The following ADPRHL1 variants were observed in gnomAD, a reference collection of about 807,000 sequenced individuals.
The protein encoded by ADPRHL1 is inactive ADP-ribosyltransferase ARH2.
In ADPRHL1, 43 loss-of-function variants were observed where a neutral mutation model predicts 44.1. That is an observed-to-expected ratio of 0.98 (90% CI 0.76 to 1.26). The LOEUF is 1.26. ADPRHL1 is among the 50% of genes most tolerant of loss of function. The pLI, the probability that ADPRHL1 is intolerant of heterozygous loss-of-function variation, is 0.00. For synonymous variants in ADPRHL1, 878 were observed against 1,017.4 expected, an observed-to-expected ratio of 0.86 and a Z score of 2.61; for missense variants, 2,022 against 2,496.9, an observed-to-expected ratio of 0.81 and a Z score of 4.05.
At chr13:113,434,136 T>C (rs980466816) in intron 2 of ADPRHL1, among the ~76,000 whole-genome samples, 1 of 152,196 alleles carries the variant, frequency 6.6e-6, no homozygotes, top group African/African-American at 2.4e-5. Flanking sequence ...ATTTGCAGCA[T>C]GCTTTCAACG....
chr13:113,426,670 C>A (rs960610127), intron 4 of ADPRHL1, among the ~76,000 whole-genome samples: 2 of 152,204 alleles, frequency 1.3e-5, no homozygotes, highest in Admixed American at 6.5e-5. Flanking sequence ...TGTTCAGCGA[C>A]ATGAAATTGG....
At chr13:113,420,427 C>T (rs1347585200) in intron 7 of ADPRHL1, among the ~76,000 whole-genome samples, 2 of 152,164 alleles carry the variant, frequency 1.3e-5, no homozygotes, top group Non-Finnish European at 2.9e-5. Flanking sequence ...GCGAGCTGGC[C>T]TTCTCTTCCA....
At chr13:113,414,746 G>A (rs1287024783) in intron 7 of ADPRHL1, among the ~76,000 whole-genome samples, 1 of 151,576 alleles carries the variant, frequency 6.6e-6, no homozygotes, top group Non-Finnish European at 1.5e-5. Flanking sequence ...CGTGATCTCG[G>A]CTCACTGCAA....
chr13:113,420,955 C>CCCCG (rs1555326268), intron 7 of ADPRHL1, among the ~76,000 whole-genome samples: 1 of 82,334 alleles, frequency 1.2e-5, no homozygotes, highest in Non-Finnish European at 2.3e-5. Flanking sequence ...CTACCCCCCC[C>CCCCG]GACACGCCCT....
intron 7 of ADPRHL1, 104 bp from the exon 8 acceptor site, chr13:113,408,324 A>C (rs1271767844): frequency 2.6e-6 from 3 of 1,146,796 alleles, no homozygotes; most frequent in Non-Finnish European, 3.3e-6. Flanking sequence ...AGGGGCCCCA[A>C]AAGTCTGGTA....
rs1566474764 is a variant in ADPRHL1, at chr13:113,428,978, CAGTA to C, written c.616_619del (p.Tyr206AlafsTer72). ...TGCCGTGTGCCGGATGGTCTTCCTG[CAGTA>C]CTCTTCTGCCAGAGGCACCGCCCGC... is the stretch of plus-strand genomic sequence containing the variant. On this transcript the variant is annotated frameshift_variant, in exon 4 of 8. Transcript: ENST00000612156. LOFTEE classifies it high-confidence loss of function. 6.2e-7 allele frequency: 1 copy of C among 1,612,774 alleles called. No homozygotes were observed. The highest frequency in any genetic ancestry group is 8.5e-7 in the Non-Finnish European group (1 of 1,180,008).
intron 1 of ADPRHL1, among the ~76,000 whole-genome samples, chr13:113,444,973 C>T (rs751172072): frequency 6.6e-5 from 10 of 152,140 alleles, no homozygotes; most frequent in Non-Finnish European, 1.3e-4. Context: ...CAAACAGAAC[C>T]GAAACTGGCC....
At chr13:113,429,230 C>A in intron 3 of ADPRHL1, 138 bp from the exon 4 acceptor site, 3 of 1,181,818 alleles carry the variant, frequency 2.5e-6, no homozygotes, top group Non-Finnish European at 3.5e-6. Flanking sequence ...GTGCACAGTT[C>A]GGCGGCATTA....
rs886115447 is a variant in ADPRHL1 at position 113,401,527 on chromosome 13, G to A, written c.*1851C>T. 2 of 152,276 alleles carry A rather than the reference G, an allele frequency of 1.3e-5. No individual in the cohort carries two copies. Among genetic ancestry groups the A allele is most frequent in the African/African-American group, 4.8e-5 (2 of 41,424 alleles). The allele number at this position is 152,276 out of a possible 1,614,324, so 9.4% of individuals were successfully genotyped here. A position where few individuals can be genotyped will look rare whatever the true frequency, so the allele number is the denominator to read the frequency against. On this transcript the variant is annotated 3_prime_UTR_variant, in exon 8 of 8. Coordinates refer to ENST00000612156, the MANE Select transcript of ADPRHL1 (RefSeq NM_001394807.1). The surrounding 1 kb of genome is among the most constrained non-coding windows in gnomAD (Gnocchi z 5.5). Reference sequence around the variant, plus strand: ...ACGCGCGAGGGGCACCCGGTGCTCAGGAGCCTCCACACACAGCAGCTCGCA... The same window carrying A: ...ACGCGCGAGGGGCACCCGGTGCTCAAGAGCCTCCACACACAGCAGCTCGCA...
At chr13:113,420,524 C>T (rs184573150) in intron 7 of ADPRHL1, among the ~76,000 whole-genome samples, 18 of 152,184 alleles carry the variant, frequency 1.2e-4, no homozygotes, top group African/African-American at 3.6e-4. Flanking sequence ...GCAACAGTTC[C>T]GACTTACCTT....
rs1167761027 is a variant in ADPRHL1, at chr13:113,405,166, C to CA, written c.4115dup (p.Thr1373AspfsTer68). 85 of 1,231,856 alleles carry CA rather than the reference C, an allele frequency of 6.9e-5. No individual in the cohort carries two copies. The highest frequency in any genetic ancestry group is 8.1e-5 in the Non-Finnish European group (80 of 988,138). The allele number at this position is 1,231,856 out of a possible 1,614,324, so 76.3% of individuals were successfully genotyped here. ...GTTGCCTCCCCAGGTCCGCCTGTGT[C>CA]AGGGGACGCTCCTGGGATTCACCTG... On this transcript the variant is annotated frameshift_variant, in exon 8 of 8. Coordinates refer to ENST00000612156, the MANE Select transcript of ADPRHL1 (RefSeq NM_001394807.1). LOFTEE classifies it low-confidence loss of function (END_TRUNC).
Position 113,405,801 on chromosome 13 carries a change from T to C in ADPRHL1, c.3481A>G (p.Arg1161Gly). Reference sequence around the variant, plus strand: ...GGGTCTCGAGGGAGAGCCTCTCCTCTGGGGTGGCTTTCGGACAAGGCTCTG... The same window carrying C: ...GGGTCTCGAGGGAGAGCCTCTCCTCCGGGGTGGCTTTCGGACAAGGCTCTG... ...GSRALSESHP[R>G]GEALPRDPHS... The change falls in exon 8 of 8, where the codon AGA (arginine) becomes GGA (glycine). Residue 1161 changes from arginine (R) to glycine (G), a missense_variant. Coordinates refer to ENST00000612156, the MANE Select transcript of ADPRHL1 (RefSeq NM_001394807.1). 1 of 1,231,824 alleles carries C rather than the reference T, an allele frequency of 8.1e-7. No individual in the cohort carries two copies. The highest frequency in any genetic ancestry group is 1.0e-6 in the Non-Finnish European group (1 of 988,028). The allele number at this position is 1,231,824 out of a possible 1,614,324, so 76.3% of individuals were successfully genotyped here. A position where few individuals can be genotyped will look rare whatever the true frequency, so the allele number is the denominator to read the frequency against.
chr13:113,413,887 T>C (rs537536960), intron 7 of ADPRHL1, among the ~76,000 whole-genome samples: 5 of 152,306 alleles, frequency 3.3e-5, no homozygotes, highest in Non-Finnish European at 5.9e-5. Context: ...ATTTAGTTGT[T>C]GGTGGCTCTG....
At position 113,432,163 on chromosome 13, in the gene ADPRHL1, G is replaced by A. The variant is rs561643302; in HGVS notation, c.505+1579C>T. Reference sequence around the variant, plus strand: ...TTTTGAGATAGGGCCTCGCCCTGTCGCCCAGGCTGCAGTGCAATGGCGCAA... The same window carrying A: ...TTTTGAGATAGGGCCTCGCCCTGTCACCCAGGCTGCAGTGCAATGGCGCAA... On this transcript the variant is annotated intron_variant, in intron 3 of 7. Transcript: ENST00000612156. Among the ~76,000 whole-genome samples the A allele has an allele frequency of 5.3e-5, 8 of 151,786 alleles. No individual in the cohort carries two copies. In the East Asian group the frequency reaches 5.8e-4, roughly 11 times the overall value.
Position 113,405,698 on chromosome 13 carries a change from C to G in ADPRHL1, c.3584G>C (p.Gly1195Ala), listed in dbSNP as rs532183571. Reference sequence around the variant, plus strand: ...CTCTGGGTGCTGGACGAGGGCCACGCCTCTCAGGAGGCTCCTCCCTGCTGC... The same window carrying G: ...CTCTGGGTGCTGGACGAGGGCCACGGCTCTCAGGAGGCTCCTCCCTGCTGC... ...SGAAGRSLLR[G>A]VALVQHPEDI... is the part of the protein sequence containing the mutation. The change falls in exon 8 of 8, where the codon GGC (glycine) becomes GCC (alanine). Residue 1195 changes from glycine to alanine, a missense_variant. Coordinates refer to ENST00000612156, the MANE Select transcript of ADPRHL1 (RefSeq NM_001394807.1). 2 of 1,231,940 alleles carry G rather than the reference C, an allele frequency of 1.6e-6. No individual in the cohort carries two copies. Among genetic ancestry groups the G allele is most frequent in the South Asian group, 4.1e-5 (1 of 24,334 alleles). The allele number at this position is 1,231,940 out of a possible 1,614,324, so 76.3% of individuals were successfully genotyped here.
intron 2 of ADPRHL1, among the ~76,000 whole-genome samples, chr13:113,438,902 G>A (rs1339245575): frequency 6.6e-6 from 1 of 152,128 alleles, no homozygotes; most frequent in Non-Finnish European, 1.5e-5. Flanking sequence ...TTGGACTCAA[G>A]TCCTTATCAG....
At chr13:113,449,935 C>T (rs1010834576) in intron 1 of ADPRHL1, among the ~76,000 whole-genome samples, 3 of 152,162 alleles carry the variant, frequency 2.0e-5, no homozygotes, top group Admixed American at 6.5e-5. Flanking sequence ...ACTGGGCAAG[C>T]GCCTGAACCT....
In ADPRHL1 at chr13:113,403,411, G is replaced by A; in HGVS notation, c.5871C>T (p.Val1957=). ...GGAGCTCAGACGTGTCGCTGGCCCT[G>A]ACGCTCATTGGTCTGAAGGACAAAT... ...AFDLSFRPMS[V]RASDTSELPK is the part of the protein sequence containing the mutation. Residue 1957 remains valine, a synonymous_variant, in exon 8 of 8, where the codon GTC becomes GTT. Transcript: ENST00000612156. The A allele has an allele frequency of 3.2e-6, 4 of 1,232,110 alleles. No homozygotes were observed. The highest frequency in any genetic ancestry group is 4.0e-6 in the Non-Finnish European group (4 of 987,978). The allele number at this position is 1,232,110 out of a possible 1,614,324, so 76.3% of individuals were successfully genotyped here.
At chr13:113,421,911 G>A (rs2043926648) in intron 7 of ADPRHL1, 1 of 152,260 alleles carries the variant, frequency 6.6e-6, no homozygotes, top group Admixed American at 6.5e-5. Flanking sequence ...CAAAAAGAGA[G>A]GCCCTAGCCA....
Sources: gnomAD v4.1 joint callset for allele counts (sites outside exome capture counted in the v4.1 genomes callset) on GRCh38, gnomAD v4.1.1 for gene constraint, Gnocchi (gnomAD v3.1) non-coding constraint, MANE v1.5 for transcripts, NCBI Gene and HGNC (gene_info 2026-07-23, HGNC 2026-07-21) for gene names.